Variants in GPATCH2 observed in about 807,000 individuals in gnomAD.
GPATCH2 encodes the protein G patch domain-containing protein 2.
GPATCH2 carries 51 observed loss-of-function variants against 58.0 expected under a neutral mutation model. The observed-to-expected ratio is 0.88, with a 90% CI of 0.70 to 1.11. The LOEUF is 1.11. Ranked by LOEUF, GPATCH2 falls within the 50% of genes most tolerant of loss-of-function variation. GPATCH2 has a pLI of 0.00. For synonymous variants in GPATCH2, 222 were observed against 218.5 expected (o/e 1.02, Z -0.14); for missense variants, 625 against 652.2 (o/e 0.96, Z 0.45).
intron 5 of GPATCH2, among the ~76,000 whole-genome samples, chr1:217,550,171 T>A (rs912220259): frequency 6.6e-6 from 1 of 152,152 alleles, no homozygotes; most frequent in Non-Finnish European, 1.5e-5. Context: ...TCACCACTTG[T>A]TAGCTGTGAC....
intron 5 of GPATCH2, among the ~76,000 whole-genome samples, chr1:217,554,133 C>T (rs534768639): frequency 3.9e-5 from 6 of 152,356 alleles, no homozygotes; most frequent in African/African-American, 1.4e-4. Context: ...TGGGTGACAA[C>T]AGAAGCCTTG....
chr1:217,594,346 T>C (rs1345216705), intron 5 of GPATCH2, among the ~76,000 whole-genome samples: 1 of 152,132 alleles, frequency 6.6e-6, no homozygotes, highest in Non-Finnish European at 1.5e-5. Flanking sequence ...AAAAAGTATA[T>C]TTTATTATTA....
intron 8 of GPATCH2, among the ~76,000 whole-genome samples, chr1:217,484,775 GATAT>G (rs1661384171): frequency 1.3e-5 from 2 of 149,960 alleles, no homozygotes; most frequent in Admixed American, 1.3e-4. Context: ...ATATAGGATG[GATAT>G]ATATCTATAT....
intron 8 of GPATCH2, among the ~76,000 whole-genome samples, chr1:217,461,874 A>G (rs1029273416): frequency 1.3e-5 from 2 of 152,166 alleles, no homozygotes; most frequent in Admixed American, 6.5e-5. Context: ...TTTGGTAGAT[A>G]TATGTTATAT....
chr1:217,622,756 G>A (rs1669260033), intron 1 of GPATCH2, among the ~76,000 whole-genome samples: 1 of 152,198 alleles, frequency 6.6e-6, no homozygotes, highest in Non-Finnish European at 1.5e-5. Context: ...TGTTGGCCAG[G>A]CTGATCTCAA....
chr1:217,596,861 T>C (rs1426485920), intron 5 of GPATCH2, among the ~76,000 whole-genome samples: 1 of 152,140 alleles, frequency 6.6e-6, no homozygotes, highest in Non-Finnish European at 1.5e-5. Context: ...TATTTATTAT[T>C]TTAAAATAAT....
intron 2 of GPATCH2, among the ~76,000 whole-genome samples, chr1:217,616,029 G>A (rs1209849514): frequency 6.6e-6 from 1 of 151,986 alleles, no homozygotes; most frequent in Non-Finnish European, 1.5e-5. Context: ...AACAGCAAAG[G>A]AAATTCTAAT....
At chr1:217,455,851 A>G (rs2102479835) in intron 8 of GPATCH2, among the ~76,000 whole-genome samples, 1 of 152,166 alleles carries the variant, frequency 6.6e-6, no homozygotes, top group East Asian at 1.9e-4. Context: ...AGGCTCCAGC[A>G]GCAGACAAGG....
chr1:217,480,120 A>G (rs547884824), intron 8 of GPATCH2, among the ~76,000 whole-genome samples: 153 of 152,258 alleles, frequency 1.0e-3, no homozygotes, highest in African/African-American at 3.4e-3. Context: ...AAAGGCAACC[A>G]AAGCAAAAAT....
intron 5 of GPATCH2, among the ~76,000 whole-genome samples, chr1:217,520,755 T>TA (rs1208412932): frequency 1.3e-5 from 2 of 152,220 alleles, no homozygotes; most frequent in Non-Finnish European, 2.9e-5. Flanking sequence ...TCACAAAAGA[T>TA]ATATCAAAAA....
chr1:217,609,247 G>A, intron 5 of GPATCH2: 1 of 983,500 alleles, frequency 1.0e-6, no homozygotes, highest in Non-Finnish European at 1.2e-6. Flanking sequence ...AAGTATTTCT[G>A]ACACTCACAG....
At chr1:217,551,781 A>C (rs1201261269) in intron 5 of GPATCH2, among the ~76,000 whole-genome samples, 1 of 152,164 alleles carries the variant, frequency 6.6e-6, no homozygotes, top group African/African-American at 2.4e-5. Context: ...TCGTTAACCC[A>C]GTTTTCAAGG....
At chr1:217,605,788 A>G (rs1668333404) in intron 5 of GPATCH2, among the ~76,000 whole-genome samples, 1 of 152,190 alleles carries the variant, frequency 6.6e-6, no homozygotes, top group Admixed American at 6.5e-5. Flanking sequence ...ATGCTTACAT[A>G]AGGTTACTTG....
intron 2 of GPATCH2, 27 bp downstream of exon 2, chr1:217,619,756 T>G: frequency 1.1e-6 from 1 of 901,884 alleles, no homozygotes; most frequent in East Asian, 2.6e-5. Flanking sequence ...GATAAATATT[T>G]TTATATTTAG....
chr1:217,519,585 G>A (rs148302599), intron 5 of GPATCH2, among the ~76,000 whole-genome samples: 3 of 152,150 alleles, frequency 2.0e-5, no homozygotes, highest in Admixed American at 6.5e-5. Context: ...TCTTACCAAC[G>A]TGCCAAATTC....
chr1:217,581,327 G>T (rs4846423), intron 5 of GPATCH2, among the ~76,000 whole-genome samples: 5 of 152,040 alleles, frequency 3.3e-5, no homozygotes, highest in Non-Finnish European at 7.4e-5. Context: ...CCTAGCACAA[G>T]ACCTTACAAG....
At chr1:217,481,169 T>G (rs1661198385) in intron 8 of GPATCH2, among the ~76,000 whole-genome samples, 1 of 152,196 alleles carries the variant, frequency 6.6e-6, no homozygotes, top group Admixed American at 6.5e-5. Flanking sequence ...GGATTATTGG[T>G]AATACAAAGG....
At chr1:217,600,686 A>AATG (rs1668065678) in intron 5 of GPATCH2, among the ~76,000 whole-genome samples, 1 of 152,266 alleles carries the variant, frequency 6.6e-6, no homozygotes, top group East Asian at 1.9e-4. Flanking sequence ...AAATAATAAT[A>AATG]ATGGGGACTA....
At chr1:217,562,634 C>T (rs907548595) in intron 5 of GPATCH2, among the ~76,000 whole-genome samples, 3 of 152,144 alleles carry the variant, frequency 2.0e-5, no homozygotes, top group African/African-American at 7.2e-5. Flanking sequence ...AACAAGTTTT[C>T]GGCTCACTGA....
Sources: gnomAD v4.1 joint callset for allele counts (sites outside exome capture counted in the v4.1 genomes callset) on GRCh38, gnomAD v4.1.1 for gene constraint, MANE v1.5 for transcripts, NCBI Gene and HGNC (gene_info 2026-07-23, HGNC 2026-07-21) for gene names.